The following PXDNL variants were observed in gnomAD, a reference collection of about 807,000 sequenced individuals.
PXDNL encodes the protein probable oxidoreductase PXDNL.
A neutral mutation model predicts 150.8 loss-of-function variants in PXDNL; 145 were observed. That is an observed-to-expected ratio of 0.96 (90% CI 0.84 to 1.10). The LOEUF (loss-of-function observed/expected upper bound fraction) is 1.10. Among genes scored for constraint, PXDNL ranks in the 50% least tolerant of loss-of-function variants. The pLI, the probability that PXDNL is intolerant of heterozygous loss-of-function variation, is 0.00. For synonymous variants in PXDNL, 757 were observed against 725.7 expected (o/e 1.04, Z -0.69); for missense variants, 2,087 against 1,873.9 (o/e 1.11, Z -2.10).
At chr8:51,644,361 CACATATGTATATATAT>C (rs1814861997) in intron 2 of PXDNL, among the ~76,000 whole-genome samples, 11 of 62,874 alleles carry the variant, frequency 1.7e-4, no homozygotes, top group African/African-American at 4.1e-4. Context: ...CACACACACA[CACATATGTATATATAT>C]ACACACACAT....
intron 2 of PXDNL, among the ~76,000 whole-genome samples, chr8:51,645,783 G>C: frequency 6.6e-6 from 1 of 152,116 alleles, no homozygotes; most frequent in East Asian, 1.9e-4. Flanking sequence ...TAAATACTGA[G>C]CTCGGGATGC....
chr8:51,373,370 T>G (rs1413732463), intron 18 of PXDNL, among the ~76,000 whole-genome samples: 1 of 152,174 alleles, frequency 6.6e-6, no homozygotes, highest in Non-Finnish European at 1.5e-5. Context: ...GTCTAAGCTA[T>G]CCAAGCTATG....
chr8:51,502,711 T>C (rs916731872), intron 4 of PXDNL, among the ~76,000 whole-genome samples: 3 of 152,128 alleles, frequency 2.0e-5, no homozygotes, highest in Non-Finnish European at 4.4e-5. Context: ...AAACAATTTA[T>C]TATAAAGAAA....
At chr8:51,631,098 C>A (rs1308704710) in intron 2 of PXDNL, among the ~76,000 whole-genome samples, 1 of 152,028 alleles carries the variant, frequency 6.6e-6, no homozygotes, top group African/African-American at 2.4e-5. Context: ...TACCGTGCAA[C>A]CATTAAAAAG....
At chr8:51,512,157 G>A (rs1296496794) in intron 4 of PXDNL, among the ~76,000 whole-genome samples, 2 of 152,178 alleles carry the variant, frequency 1.3e-5, no homozygotes, top group Non-Finnish European at 2.9e-5. Context: ...AACGGAACAA[G>A]TATAGGGTAT....
chr8:51,792,727 C>T (rs906198690), intron 1 of PXDNL, among the ~76,000 whole-genome samples: 2 of 152,194 alleles, frequency 1.3e-5, no homozygotes, highest in Non-Finnish European at 2.9e-5. Flanking sequence ...TGTGGCCAGA[C>T]AGCCTCTTCA....
At chr8:51,682,933 A>G (rs1396611317) in intron 1 of PXDNL, among the ~76,000 whole-genome samples, 2 of 151,894 alleles carry the variant, frequency 1.3e-5, no homozygotes, top group South Asian at 4.2e-4. Flanking sequence ...GGTGCTGCCA[A>G]TCCTACAATT....
intron 4 of PXDNL, among the ~76,000 whole-genome samples, chr8:51,549,000 T>G (rs1020941529): frequency 2.0e-5 from 3 of 152,022 alleles, no homozygotes; most frequent in African/African-American, 7.2e-5. Flanking sequence ...TTCATGCAAA[T>G]GGAAACCAAA....
intron 17 of PXDNL, among the ~76,000 whole-genome samples, chr8:51,392,083 G>A (rs1053583239): frequency 1.3e-5 from 2 of 152,086 alleles, no homozygotes; most frequent in African/African-American, 2.4e-5. Context: ...GCTCTGTTCT[G>A]TTCCATTGAT....
intron 17 of PXDNL, among the ~76,000 whole-genome samples, chr8:51,381,622 CTTTATTTATTTATTTATTTATTTATTTA>C (rs143944182): frequency 2.1e-5 from 3 of 141,842 alleles, no homozygotes; most frequent in Admixed American, 7.1e-5. Flanking sequence ...TGACTGGTGT[CTTTATTTATTTATTTATTTATTTATTTA>C]TTTATTTATT....
chr8:51,390,996 T>A (rs1405067506), intron 17 of PXDNL, among the ~76,000 whole-genome samples: 4 of 152,044 alleles, frequency 2.6e-5, no homozygotes, highest in Admixed American at 6.6e-5. Context: ...ACATGCGGTG[T>A]TTGGTTTTTT....
intron 21 of PXDNL, among the ~76,000 whole-genome samples, chr8:51,336,937 G>A (rs916456016): frequency 6.6e-6 from 1 of 152,196 alleles, no homozygotes; most frequent in South Asian, 2.1e-4. Context: ...TTAGATTATG[G>A]AGAGATCTAG....
At chr8:51,766,079 C>G (rs903548341) in intron 1 of PXDNL, among the ~76,000 whole-genome samples, 1 of 152,340 alleles carries the variant, frequency 6.6e-6, no homozygotes, top group East Asian at 1.9e-4. Flanking sequence ...TCGTGATCCA[C>G]CTGCCTTGGC....
chr8:51,511,701 C>T (rs1228596656), intron 4 of PXDNL, among the ~76,000 whole-genome samples: 1 of 152,176 alleles, frequency 6.6e-6, no homozygotes, highest in African/African-American at 2.4e-5. Context: ...CACCCTGATC[C>T]AGGAACATCA....
intron 1 of PXDNL, among the ~76,000 whole-genome samples, chr8:51,797,225 T>C (rs1242195865): frequency 6.6e-6 from 1 of 152,202 alleles, no homozygotes; most frequent in African/African-American, 2.4e-5. Flanking sequence ...TCACACTGAA[T>C]GGGCAAAAGC....
intron 1 of PXDNL, among the ~76,000 whole-genome samples, chr8:51,765,425 T>C (rs1199054296): frequency 6.6e-6 from 1 of 152,204 alleles, no homozygotes; most frequent in Admixed American, 6.5e-5. Flanking sequence ...ATTAAATCTC[T>C]TTTTGTTTAT....
At chr8:51,405,139 G>A (rs989831521) in intron 17 of PXDNL, among the ~76,000 whole-genome samples, 29 of 152,258 alleles carry the variant, frequency 1.9e-4, no homozygotes, top group Admixed American at 3.3e-4. Flanking sequence ...CAGAACTGGC[G>A]CTGGCCCGCC....
chr8:51,691,607 G>A (rs530291161), intron 1 of PXDNL, among the ~76,000 whole-genome samples: 314 of 151,454 alleles, frequency 2.1e-3, no homozygotes, highest in Non-Finnish European at 3.8e-3. Context: ...ATAAAATAAA[G>A]TTTAAAGTTG....
intron 2 of PXDNL, among the ~76,000 whole-genome samples, chr8:51,643,780 T>C (rs1436735820): frequency 6.6e-6 from 1 of 152,140 alleles, no homozygotes; most frequent in Non-Finnish European, 1.5e-5. Flanking sequence ...GAGAAAATTT[T>C]TGCAATCTAC....
Sources: allele counts gnomAD v4.1 joint callset (sites outside exome capture counted in the v4.1 genomes callset), GRCh38; gene constraint gnomAD v4.1.1; transcripts MANE v1.5; gene names NCBI Gene and HGNC (gene_info 2026-07-23, HGNC 2026-07-21).